Variants in CACNA2D1 observed in about 807,000 individuals in gnomAD.
The protein encoded by CACNA2D1 is calcium voltage-gated channel auxiliary subunit alpha2delta 1, also known as voltage-dependent calcium channel subunit alpha-2/delta-1.
In CACNA2D1, 53 loss-of-function variants were observed where a neutral mutation model predicts 171.5. That is an observed-to-expected ratio of 0.31 (90% CI 0.25 to 0.39). The LOEUF (loss-of-function observed/expected upper bound fraction) is 0.39, where lower values mean the gene tolerates loss of function less well. Ranked by LOEUF, CACNA2D1 falls within the 10% of genes least tolerant of loss-of-function variation. The pLI is 1.00. For missense variants in CACNA2D1, 903 were observed against 1,299.8 expected (o/e 0.69, Z 4.69); for synonymous variants, 442 against 443.1 (o/e 1.00, Z 0.03).
chr7:82,304,459 C>G (rs35127576), intron 3 of CACNA2D1, among the ~76,000 whole-genome samples: 152 of 151,886 alleles, frequency 1.0e-3, no homozygotes, highest in Non-Finnish European at 1.9e-3. Flanking sequence ...AAGTGTCCAT[C>G]AGCAGATGAA....
chr7:82,102,209 TGAGA>T (rs1321920318), intron 6 of CACNA2D1, among the ~76,000 whole-genome samples: 2 of 152,058 alleles, frequency 1.3e-5, no homozygotes, highest in Non-Finnish European at 2.9e-5. Flanking sequence ...AAAATCTGAT[TGAGA>T]AAGGTTTTAA....
At chr7:82,010,240 C>T (rs142777468) in intron 15 of CACNA2D1, among the ~76,000 whole-genome samples, 24 of 151,948 alleles carry the variant, frequency 1.6e-4, no homozygotes, top group Non-Finnish European at 3.4e-4. Context: ...TTATTTTTGA[C>T]CAACATATAT....
chr7:81,953,899 G>A (rs1474463443), intron 38 of CACNA2D1, among the ~76,000 whole-genome samples: 1 of 151,804 alleles, frequency 6.6e-6, no homozygotes, highest in East Asian at 1.9e-4. Context: ...TATAATTTTT[G>A]TTTAATTTCC....
intron 22 of CACNA2D1, 73 bp from the exon 23 acceptor site, chr7:81,983,407 C>A: frequency 1.8e-6 from 2 of 1,090,810 alleles, no homozygotes; most frequent in Non-Finnish European, 2.8e-6. Context: ...GGGTCATAAA[C>A]AATATTTTAT....
At chr7:82,116,516 C>A (rs977438669) in intron 6 of CACNA2D1, among the ~76,000 whole-genome samples, 1 of 152,112 alleles carries the variant, frequency 6.6e-6, no homozygotes, top group Non-Finnish European at 1.5e-5. Context: ...TGGCTGGAAG[C>A]CCACAATACA....
chr7:82,307,597 G>T (rs1813903687), intron 3 of CACNA2D1, among the ~76,000 whole-genome samples: 1 of 151,156 alleles, frequency 6.6e-6, no homozygotes, highest in Non-Finnish European at 1.5e-5. Flanking sequence ...TGACATTTTG[G>T]GGTACCCATT....
rs750697000 is a variant in CACNA2D1, at chr7:82,335,270, A to C, written c.178-19T>G. 1 of 1,397,616 alleles carries C rather than the reference A, an allele frequency of 7.2e-7. No individual in the cohort carries two copies. 86.6% of individuals were successfully genotyped at this position (1,397,616 alleles called of 1,614,324 possible). On this transcript the variant is annotated intron_variant, in intron 2 of 38. Transcript: ENST00000356860. Reference sequence around the variant, plus strand: ...CATAAATCTGTGTGAAAGAAAAAAAAAACTAGTAAGAACAATAGTTACTTA... The same window carrying C: ...CATAAATCTGTGTGAAAGAAAAAAACAACTAGTAAGAACAATAGTTACTTA...
At chr7:82,336,570 A>G in intron 2 of CACNA2D1, among the ~76,000 whole-genome samples, 1 of 152,186 alleles carries the variant, frequency 6.6e-6, no homozygotes, top group Non-Finnish European at 1.5e-5. Context: ...TAAAATCTCC[A>G]TATTTGGATT....
chr7:81,979,984 G>T (rs1292858817), intron 24 of CACNA2D1, among the ~76,000 whole-genome samples: 2 of 151,596 alleles, frequency 1.3e-5, no homozygotes, highest in Non-Finnish European at 1.5e-5. Context: ...CTCCCCAAGA[G>T]AAATAGAGAA....
intron 3 of CACNA2D1, among the ~76,000 whole-genome samples, chr7:82,235,595 G>A (rs2367916): frequency 0.97 from 148,071 of 152,264 alleles, 72,038 homozygotes; most frequent in East Asian, 1. Context: ...AATAACAGAA[G>A]TATTCATCCT....
At chr7:82,119,285 AATATATTC>A (rs1789440326) in intron 5 of CACNA2D1, among the ~76,000 whole-genome samples, 2 of 152,152 alleles carry the variant, frequency 1.3e-5, no homozygotes, top group Admixed American at 6.6e-5. Flanking sequence ...TGGATTCTGA[AATATATTC>A]AAATGCATTT....
intron 17 of CACNA2D1, 46 bp downstream of exon 17, chr7:82,005,719 G>C (rs2130869585): frequency 8.0e-7 from 1 of 1,254,646 alleles, no homozygotes; most frequent in East Asian, 2.3e-5. Flanking sequence ...AGTTAGTACA[G>C]AGTTCTAAAC....
At chr7:82,288,927 G>A (rs1395730785) in intron 3 of CACNA2D1, among the ~76,000 whole-genome samples, 3 of 152,102 alleles carry the variant, frequency 2.0e-5, no homozygotes, top group Non-Finnish European at 2.9e-5. Context: ...TACAGGAAGC[G>A]AGGCTCCCTG....
intron 18 of CACNA2D1, 163 bp downstream of exon 18, chr7:82,005,260 A>G: frequency 3.3e-6 from 2 of 609,594 alleles, no homozygotes; most frequent in East Asian, 2.8e-5. Context: ...ACACTTTCAT[A>G]TAGTATCATG....
chr7:82,411,828 A>T (rs1827701549), intron 1 of CACNA2D1, among the ~76,000 whole-genome samples: 1 of 152,074 alleles, frequency 6.6e-6, no homozygotes, highest in African/African-American at 2.4e-5. Context: ...TAAAAAAAAA[A>T]TTCACAGCAA....
chr7:82,384,205 T>C (rs11982475), intron 1 of CACNA2D1, among the ~76,000 whole-genome samples: 23,776 of 152,194 alleles, frequency 0.16, 2,092 homozygotes, highest in Middle Eastern at 0.24. Context: ...GTAGACTGAA[T>C]TGTCTCCCCC....
chr7:82,335,207 A>G lies in CACNA2D1; in HGVS notation c.222T>C (p.Asn74=). The change falls in exon 3 of 39, where the codon AAT becomes AAC. Residue 74 remains asparagine (N), a synonymous_variant. Coordinates refer to ENST00000356860, the MANE Select transcript of CACNA2D1 (RefSeq NM_000722.4). The part of the protein sequence containing the change: ...YQDLYTVEPN[N]ARQLVEIAAR... ...CTGCAATTTCTACCAGCTGGCGTGCATTATTTGGTTCCACAGTATACAAAT... is the reference window on the plus strand; with the variant it reads ...CTGCAATTTCTACCAGCTGGCGTGCGTTATTTGGTTCCACAGTATACAAAT... 6.2e-7 allele frequency: 1 copy of G among 1,613,170 alleles called. No individual in the cohort carries two copies. Among genetic ancestry groups the G allele is most frequent in the Non-Finnish European group, 8.5e-7 (1 of 1,179,292 alleles).
intron 7 of CACNA2D1, among the ~76,000 whole-genome samples, chr7:82,084,164 A>G (rs1810151748): frequency 6.6e-6 from 1 of 151,990 alleles, no homozygotes; most frequent in African/African-American, 2.4e-5. Flanking sequence ...ATTTCTCCTT[A>G]CTCTTTTTAT....
intron 12 of CACNA2D1, among the ~76,000 whole-genome samples, chr7:82,024,090 C>T (rs1436106407): frequency 1.3e-5 from 2 of 151,422 alleles, no homozygotes; most frequent in Non-Finnish European, 3.0e-5. Context: ...CACATCTAGG[C>T]TATTTTGAAT....
Sources: allele counts gnomAD v4.1 joint callset (sites outside exome capture counted in the v4.1 genomes callset), GRCh38; gene constraint gnomAD v4.1.1; transcripts MANE v1.5; gene names NCBI Gene and HGNC (gene_info 2026-07-23, HGNC 2026-07-21).